Variants in PPARGC1B observed in about 807,000 individuals in gnomAD.
PPARGC1B encodes peroxisome proliferator-activated receptor gamma coactivator 1-beta.
Under a neutral mutation model 101.6 loss-of-function variants are expected in PPARGC1B, and 34 were observed. The observed-to-expected ratio is 0.33, with a 90% CI of 0.25 to 0.45. The LOEUF (loss-of-function observed/expected upper bound fraction) is 0.45, where lower values mean the gene tolerates loss of function less well. PPARGC1B is among the 20% of genes least tolerant of loss of function. The pLI is 1.00. For missense variants in PPARGC1B, 1,234 were observed against 1,317.6 expected (o/e 0.94, Z 0.98); for synonymous variants, 548 against 539.3 (o/e 1.02, Z -0.22).
intron 1 of PPARGC1B, among the ~76,000 whole-genome samples, chr5:149,761,813 T>C: frequency 6.6e-6 from 1 of 152,208 alleles, no homozygotes; most frequent in East Asian, 1.9e-4. Flanking sequence ...GTCCTGCTCT[T>C]GTCAGCCTCC....
At chr5:149,835,416 A>G in intron 7 of PPARGC1B, 51 bp downstream of exon 7, 1 of 1,533,184 alleles carries the variant, frequency 6.5e-7, no homozygotes, top group East Asian at 2.3e-5. Flanking sequence ...ACACCCGTGC[A>G]TCTCTGAGTT....
At chr5:149,794,102 T>C (rs1437978360) in intron 1 of PPARGC1B, among the ~76,000 whole-genome samples, 1 of 152,240 alleles carries the variant, frequency 6.6e-6, no homozygotes, top group African/African-American at 2.4e-5. Context: ...AAATATTTAC[T>C]AGTTGGCTCT....
intron 1 of PPARGC1B, among the ~76,000 whole-genome samples, chr5:149,737,279 T>TCCTTGAAGGAAGG (rs1754752437): frequency 2.6e-5 from 4 of 152,206 alleles, no homozygotes; most frequent in African/African-American, 9.7e-5. Context: ...AGCCTAAACT[T>TCCTTGAAGGAAGG]AAACCTGATT....
intron 1 of PPARGC1B, among the ~76,000 whole-genome samples, chr5:149,808,544 G>T (rs922948196): frequency 3.3e-5 from 5 of 152,162 alleles, no homozygotes; most frequent in African/African-American, 1.2e-4. Context: ...TTGTAGAGGG[G>T]CCTGGAACCA....
intron 1 of PPARGC1B, among the ~76,000 whole-genome samples, chr5:149,765,204 G>A (rs1453858628): frequency 6.6e-6 from 1 of 152,246 alleles, no homozygotes; most frequent in East Asian, 1.9e-4. Context: ...CGAGAAGGCA[G>A]GGGAGGGAAT....
intron 1 of PPARGC1B, among the ~76,000 whole-genome samples, chr5:149,760,161 C>T (rs1437696309): frequency 2.6e-5 from 4 of 152,070 alleles, no homozygotes; most frequent in Admixed American, 6.5e-5. Context: ...ACCATGGACA[C>T]GAATGTGAAC....
At position 149,784,710 on chromosome 5, in the gene PPARGC1B, G is replaced by A. The variant is rs550544825; in HGVS notation, c.79-35723G>A. On this transcript the variant is annotated intron_variant, in intron 1 of 11. Coordinates refer to ENST00000309241, the MANE Select transcript of PPARGC1B (RefSeq NM_133263.4). ...AGCCTCCCGAGTAGCTGGGACTACA[G>A]GCGCCCGCCACCACGCCCGGCTAAT... Among the ~76,000 whole-genome samples, 704 of 152,062 alleles carry A rather than the reference G, an allele frequency of 4.6e-3. 7 individuals are homozygous for A. Among genetic ancestry groups the A allele is most frequent in the African/African-American group, 0.016 (667 of 41,498 alleles).
intron 1 of PPARGC1B, among the ~76,000 whole-genome samples, chr5:149,771,324 C>T (rs767677038): frequency 1.3e-5 from 2 of 152,190 alleles, no homozygotes; most frequent in Non-Finnish European, 2.9e-5. Context: ...GAAGCAGGCT[C>T]AGGGCCATTT....
chr5:149,764,286 T>A (rs1755826338), intron 1 of PPARGC1B, among the ~76,000 whole-genome samples: 2 of 152,012 alleles, frequency 1.3e-5, no homozygotes, highest in African/African-American at 4.8e-5. Context: ...GGGAGCAGGA[T>A]TAGCAGTGGG....
rs547683697 is a variant in PPARGC1B, at chr5:149,837,052, C to T, written c.2597C>T (p.Pro866Leu). Residue 866 changes from proline to leucine, a missense_variant, in exon 8 of 12, where the codon CCA becomes CTA. Physicochemically the swap from Pro to Leu is moderately conservative, Grantham distance 98. Transcript: ENST00000309241. This position sits in a 1 kb window ranked among gnomAD's most constrained non-coding sequence, Gnocchi z 4.2. ...SGSSPCHSWSPATRRNFRCES... is the reference protein window; with the variant it reads ...SGSSPCHSWSLATRRNFRCES... ...TCTTCACCCTGCCACTCCTGGTCAC[C>T]AGCCACTCGAAGGAACTTCAGGTAT... is the stretch of plus-strand genomic sequence containing the variant. 9 of 1,613,158 alleles carry T rather than the reference C, an allele frequency of 5.6e-6. No homozygotes were observed. The East Asian group carries it at 1.6e-4, about 28-fold the overall frequency.
At chr5:149,747,230 GCT>G (rs1366717697) in intron 1 of PPARGC1B, among the ~76,000 whole-genome samples, 1 of 152,068 alleles carries the variant, frequency 6.6e-6, no homozygotes, top group Non-Finnish European at 1.5e-5. Flanking sequence ...TAGAGTTTGA[GCT>G]CTTTCATTTT....
intron 1 of PPARGC1B, among the ~76,000 whole-genome samples, chr5:149,812,558 G>A (rs1757905695): frequency 1.3e-5 from 2 of 152,224 alleles, no homozygotes; most frequent in African/African-American, 2.4e-5. Context: ...CACAGGGAAT[G>A]CCTGCCTTCA....
chr5:149,835,335 A>G lies in PPARGC1B; in HGVS notation c.1777A>G (p.Thr593Ala), dbSNP rs1366690488. 6.2e-7 allele frequency: 1 copy of G among 1,614,182 alleles called. No individual in the cohort carries two copies. Among genetic ancestry groups the G allele is most frequent in the Admixed American group, 1.7e-5 (1 of 60,032 alleles). The change falls in exon 7 of 12, where the codon ACC becomes GCC. Residue 593 changes from threonine (T) to alanine (A), a missense_variant. Around this residue, in one of 3 missense-constraint regions of PPARGC1B, gnomAD observed 734 missense variants for 768.4 expected, o/e 0.96. Coordinates refer to ENST00000309241, the MANE Select transcript of PPARGC1B (RefSeq NM_133263.4). The part of the protein sequence containing the change: ...PTFGKKSFEQ[T>A]LTVELCGTAG... ...TTTTGGCAAGAAGAGCTTTGAGCAG[A>G]CCTTGACAGTGGAGCTCTGTGGCAC... is the stretch of plus-strand genomic sequence containing the variant.
chr5:149,842,497 T>A, intron 10 of PPARGC1B, 120 bp downstream of exon 10: 1 of 1,404,366 alleles, frequency 7.1e-7, no homozygotes, highest in Non-Finnish European at 9.8e-7. Flanking sequence ...ATCCATAGCC[T>A]AGATGTGGAA....
chr5:149,843,573 A>G (rs1248097793), intron 10 of PPARGC1B, among the ~76,000 whole-genome samples: 2 of 152,220 alleles, frequency 1.3e-5, no homozygotes, highest in African/African-American at 4.8e-5. Flanking sequence ...CGATGTGGAA[A>G]ACAGTATGGC....
intron 7 of PPARGC1B, among the ~76,000 whole-genome samples, 198 bp downstream of exon 7, chr5:149,835,563 A>T (rs1759019624): frequency 6.6e-6 from 1 of 152,244 alleles, no homozygotes; most frequent in African/African-American, 2.4e-5. Flanking sequence ...ACCATAAAGA[A>T]GACTCACTGG....
In PPARGC1B at chr5:149,832,826, T is replaced by C. The variant is rs1267003319; in HGVS notation, c.753T>C (p.Gly251=). The C allele has an allele frequency of 2.5e-6, 4 of 1,610,806 alleles. No homozygotes were observed. The highest frequency in any genetic ancestry group is 4.5e-5 in the East Asian group (2 of 44,792). Residue 251 remains glycine (G), a synonymous_variant, in exon 5 of 12, where the codon GGT becomes GGC. Transcript: ENST00000309241. This position sits in a 1 kb window ranked among gnomAD's most constrained non-coding sequence, Gnocchi z 4.9. ...RLPAKEDKEP[G]EDCPSPQPAP... ...CTGCCAAGGAGGACAAGGAGCCGGG[T>C]GAGGACTGCCCGAGCCCCCAGCCAG...
intron 1 of PPARGC1B, among the ~76,000 whole-genome samples, chr5:149,772,795 C>G (rs1012728625): frequency 3.3e-5 from 5 of 152,172 alleles, no homozygotes; most frequent in Admixed American, 3.3e-4. Flanking sequence ...CAATGCAACT[C>G]AGCCTCTAAC....
At chr5:149,846,193 C>T in intron 11 of PPARGC1B, 1 of 575,034 alleles carries the variant, frequency 1.7e-6, no homozygotes, top group Non-Finnish European at 3.1e-6. Flanking sequence ...GCACAGCCAG[C>T]TGGCAGAACC....
Sources: gnomAD v4.1 joint callset for allele counts (sites outside exome capture counted in the v4.1 genomes callset) on GRCh38, gnomAD v4.1.1 for gene constraint, gnomAD v4.1.1 regional missense constraint, Gnocchi (gnomAD v3.1) non-coding constraint, MANE v1.5 for transcripts, NCBI Gene and HGNC (gene_info 2026-07-23, HGNC 2026-07-21) for gene names.